Variants in MYO9A observed in about 807,000 individuals in gnomAD.
The protein encoded by MYO9A is unconventional myosin-IXa.
MYO9A carries 103 observed loss-of-function variants against 293.3 expected under a neutral mutation model. That is an observed-to-expected ratio of 0.35 (90% confidence interval 0.30 to 0.41). The LOEUF (loss-of-function observed/expected upper bound fraction) is 0.41. Ranked by LOEUF, MYO9A falls within the 10% of genes least tolerant of loss-of-function variation. The pLI, the probability that MYO9A is intolerant of heterozygous loss-of-function variation, is 1.00. For synonymous variants in MYO9A, 1,001 were observed against 1,035.7 expected (o/e 0.97, Z 0.64); for missense variants, 2,685 against 3,033.0 (o/e 0.89, Z 2.69).
intron 1 of MYO9A, among the ~76,000 whole-genome samples, chr15:72,083,137 A>C (rs1217196168): frequency 6.6e-6 from 1 of 152,028 alleles, no homozygotes; most frequent in Non-Finnish European, 1.5e-5. Flanking sequence ...TTGGCTTTGA[A>C]TCCATCTGGT....
chr15:71,901,407 T>C (rs1185132510), intron 22 of MYO9A, 67 bp from the exon 23 acceptor site: 11 of 1,480,774 alleles, frequency 7.4e-6, no homozygotes, highest in Admixed American at 2.2e-5. Flanking sequence ...TCATGAATCA[T>C]CCTTTCTGTG....
chr15:71,971,006 A>G (rs1410516346), intron 12 of MYO9A, among the ~76,000 whole-genome samples: 3 of 151,774 alleles, frequency 2.0e-5, no homozygotes, highest in Admixed American at 6.6e-5. Context: ...AAAAAACACA[A>G]AAAAATTAGC....
intron 12 of MYO9A, among the ~76,000 whole-genome samples, chr15:71,975,299 T>C (rs908254194): frequency 2.4e-5 from 2 of 84,908 alleles, no homozygotes; most frequent in Admixed American, 2.9e-4. Flanking sequence ...TGACATGATT[T>C]TATCGTGTGT....
intron 38 of MYO9A, among the ~76,000 whole-genome samples, chr15:71,849,557 T>G (rs558035077): frequency 1.3e-5 from 2 of 152,212 alleles, no homozygotes; most frequent in Non-Finnish European, 2.9e-5. Context: ...TCTCTGGGGA[T>G]GGGATCCAAA....
chr15:72,100,974 G>A (rs1166485806), intron 1 of MYO9A, among the ~76,000 whole-genome samples: 3 of 129,038 alleles, frequency 2.3e-5, no homozygotes, highest in African/African-American at 8.4e-5. Flanking sequence ...GAGGTGGGGG[G>A]GTCAGCCCCC....
intron 1 of MYO9A, among the ~76,000 whole-genome samples, chr15:72,067,056 A>G (rs528667306): frequency 6.8e-5 from 10 of 147,626 alleles, no homozygotes; most frequent in Non-Finnish European, 1.0e-4. Context: ...ATTATATAAT[A>G]TATAGGTAAT....
intron 10 of MYO9A, among the ~76,000 whole-genome samples, 164 bp downstream of exon 10, chr15:71,994,305 A>G (rs139172113): frequency 1.4e-4 from 21 of 152,322 alleles, no homozygotes; most frequent in African/African-American, 4.6e-4. Flanking sequence ...AAAGGTCTGG[A>G]AAGACACACA....
intron 39 of MYO9A, among the ~76,000 whole-genome samples, chr15:71,844,869 C>T (rs893141446): frequency 6.6e-6 from 1 of 152,118 alleles, no homozygotes; most frequent in Non-Finnish European, 1.5e-5. Flanking sequence ...CATATATTAC[C>T]CTCATGCAGA....
chr15:72,000,636 TTTA>T (rs1407349974), intron 8 of MYO9A, among the ~76,000 whole-genome samples: 2 of 152,206 alleles, frequency 1.3e-5, no homozygotes, highest in Non-Finnish European at 2.9e-5. Context: ...ATGTGGATAA[TTTA>T]TTATTATTAT....
chr15:72,038,324 CAG>C (rs2078120105), intron 2 of MYO9A, among the ~76,000 whole-genome samples: 1 of 151,944 alleles, frequency 6.6e-6, no homozygotes, highest in African/African-American at 2.4e-5. Flanking sequence ...CTATACAACA[CAG>C]TGTTATTTAA....
At position 71,862,513 on chromosome 15, in the gene MYO9A, G is replaced by C; in HGVS notation, c.6078C>G (p.Ala2026=). Residue 2026 remains alanine (A), a synonymous_variant, in exon 33 of 42, where the codon GCC becomes GCG. Transcript: ENST00000356056. ...TCTCATACTTACATTTGCAAACAGA[G>C]GCTCGGTCCATTATCCATATCAAAG... The part of the protein sequence containing the change: ...CSSLIWIMDR[A]SVCKLCKYAC... The C allele has an allele frequency of 1.2e-6, 2 of 1,604,630 alleles. No homozygotes were observed. The highest frequency in any genetic ancestry group is 3.3e-5 in the Admixed American group (2 of 59,942).
intron 8 of MYO9A, among the ~76,000 whole-genome samples, chr15:72,007,140 G>A (rs12903484): frequency 0.21 from 32,520 of 151,990 alleles, 3,727 homozygotes; most frequent in East Asian, 0.41. Flanking sequence ...GTATAGATAC[G>A]TGGATATACA....
chr15:71,998,342 G>A (rs1178742594), intron 9 of MYO9A, among the ~76,000 whole-genome samples: 1 of 151,984 alleles, frequency 6.6e-6, no homozygotes, highest in Admixed American at 6.6e-5. Flanking sequence ...GTAACTAACG[G>A]GTAGTAGGCT....
At chr15:71,963,593 C>A (rs1244719101) in intron 13 of MYO9A, among the ~76,000 whole-genome samples, 1 of 151,592 alleles carries the variant, frequency 6.6e-6, no homozygotes, top group Non-Finnish European at 1.5e-5. Context: ...GGATTACAGG[C>A]ATACACGCCA....
Position 71,898,017 on chromosome 15 carries a change from C to T in MYO9A, c.4486G>A (p.Glu1496Lys). The T allele has an allele frequency of 6.2e-7, 1 of 1,614,110 alleles. No homozygotes were observed. Among genetic ancestry groups the T allele is most frequent in the Non-Finnish European group, 8.5e-7 (1 of 1,180,022 alleles). Residue 1496 changes from glutamate (E) to lysine (K), a missense_variant, in exon 25 of 42, where the codon GAG becomes AAG. This residue lies in a region of MYO9A where 1,434 missense variants were observed against 1,497.7 expected (regional missense o/e 0.96). Transcript: ENST00000356056. ...AACTGTTTTTGCCTTTCTTCCTTCT[C>T]AGTGTTTAGCTTTTCTAACTTCTTA... is the stretch of plus-strand genomic sequence containing the variant. ...VLKKLEKLNT[E>K]KEERQKQLQQ...
At chr15:71,903,184 G>A (rs2057534078) in intron 21 of MYO9A, 121 bp from the exon 22 acceptor site, 2 of 804,638 alleles carry the variant, frequency 2.5e-6, no homozygotes, top group African/African-American at 1.8e-5. Flanking sequence ...ACCAAGACGT[G>A]CATGTTAATT....
intron 18 of MYO9A, among the ~76,000 whole-genome samples, chr15:71,925,866 A>G (rs2957729): frequency 0.93 from 141,191 of 152,252 alleles, 65,799 homozygotes; most frequent in Non-Finnish European, 0.97. Flanking sequence ...TACCTCTAAC[A>G]GTTCTAAATT....
At chr15:72,077,553 G>T (rs1360536315) in intron 1 of MYO9A, among the ~76,000 whole-genome samples, 1 of 151,480 alleles carries the variant, frequency 6.6e-6, no homozygotes, top group Admixed American at 6.6e-5. Flanking sequence ...TTAGCCAGGT[G>T]TGGTGGTGCA....
At chr15:72,089,608 C>A (rs565030043) in intron 1 of MYO9A, among the ~76,000 whole-genome samples, 1 of 151,974 alleles carries the variant, frequency 6.6e-6, no homozygotes, top group African/African-American at 2.4e-5. Flanking sequence ...AGTGAGACTT[C>A]GTCTCTACAA....
Sources: gnomAD v4.1 joint callset for allele counts (sites outside exome capture counted in the v4.1 genomes callset) on GRCh38, gnomAD v4.1.1 for gene constraint, gnomAD v4.1.1 regional missense constraint, MANE v1.5 for transcripts, NCBI Gene and HGNC (gene_info 2026-07-23, HGNC 2026-07-21) for gene names.